The following SLIT2 variants were observed in gnomAD, a reference collection of about 807,000 sequenced individuals.
SLIT2 encodes slit homolog 2 protein.
A neutral mutation model predicts 185.7 loss-of-function variants in SLIT2; 41 were observed. The ratio of observed to expected loss-of-function variants is 0.22; its 90% CI spans 0.17 to 0.29. The LOEUF (loss-of-function observed/expected upper bound fraction) is 0.29, where lower values mean the gene tolerates loss of function less well. SLIT2 is among the 10% of genes least tolerant of loss of function. SLIT2 has a pLI of 1.00. For synonymous variants in SLIT2, 693 were observed against 680.2 expected (o/e 1.02, Z -0.29); for missense variants, 1,571 against 1,909.0 (o/e 0.82, Z 3.30).
At chr4:20,482,867 C>T (rs1716843670) in intron 6 of SLIT2, among the ~76,000 whole-genome samples, 1 of 151,248 alleles carries the variant, frequency 6.6e-6, no homozygotes, top group South Asian at 2.1e-4. Context: ...TAAACAACCC[C>T]TAGAAAAATC....
chr4:20,380,706 A>G (rs946364883), intron 4 of SLIT2, among the ~76,000 whole-genome samples: 2 of 152,116 alleles, frequency 1.3e-5, no homozygotes, highest in African/African-American at 4.8e-5. Context: ...ACATTACACT[A>G]GAAAATAAAA....
At chr4:20,332,559 A>G (rs1276684306) in intron 4 of SLIT2, among the ~76,000 whole-genome samples, 1 of 152,044 alleles carries the variant, frequency 6.6e-6, no homozygotes, top group Non-Finnish European at 1.5e-5. Flanking sequence ...GCAGGCACCT[A>G]TAATTCCACC....
chr4:20,320,912 C>G (rs568826780), intron 4 of SLIT2, among the ~76,000 whole-genome samples: 1 of 152,056 alleles, frequency 6.6e-6, no homozygotes, highest in Non-Finnish European at 1.5e-5. Flanking sequence ...GCCTGTAATC[C>G]CAGCACTTTG....
chr4:20,449,929 A>T (rs558884754), intron 4 of SLIT2, among the ~76,000 whole-genome samples: 126 of 151,010 alleles, frequency 8.3e-4, no homozygotes, highest in African/African-American at 3.0e-3. Flanking sequence ...TGTGTAATCC[A>T]CTGCAATGAT....
chr4:20,602,479 C>T (rs1419024720), intron 33 of SLIT2, among the ~76,000 whole-genome samples: 1 of 152,136 alleles, frequency 6.6e-6, no homozygotes, highest in Non-Finnish European at 1.5e-5. Context: ...TGTAGACATG[C>T]CTGCTGTTAA....
chr4:20,618,347 A>T (rs1163291536), intron 36 of SLIT2, among the ~76,000 whole-genome samples: 2 of 152,216 alleles, frequency 1.3e-5, no homozygotes, highest in African/African-American at 4.8e-5. Flanking sequence ...AGTTAATGGA[A>T]TGTTACTTGT....
At chr4:20,509,015 C>CGTGTGTGTGTGCAT (rs1214340511) in intron 9 of SLIT2, among the ~76,000 whole-genome samples, 1 of 150,744 alleles carries the variant, frequency 6.6e-6, no homozygotes, top group Non-Finnish European at 1.5e-5. Context: ...AAATGTTACG[C>CGTGTGTGTGTGCAT]GTGTGTGTGT....
intron 33 of SLIT2, among the ~76,000 whole-genome samples, 158 bp downstream of exon 33, chr4:20,598,553 A>G (rs1271518014): frequency 6.6e-6 from 1 of 152,190 alleles, no homozygotes. Context: ...AACAGAGGGC[A>G]TACTCAAACT....
At chr4:20,520,709 A>T (rs968948828) in intron 12 of SLIT2, among the ~76,000 whole-genome samples, 1 of 152,180 alleles carries the variant, frequency 6.6e-6, no homozygotes, top group Middle Eastern at 3.2e-3. Context: ...ACACACACCC[A>T]AACAAATGAA....
At chr4:20,491,640 T>C in intron 8 of SLIT2, 121 bp from the exon 9 acceptor site, 1 of 779,476 alleles carries the variant, frequency 1.3e-6, no homozygotes, top group Non-Finnish European at 2.0e-6. Context: ...GACCATTTTA[T>C]CATCATGTAT....
At chr4:20,293,522 G>C (rs943084503) in intron 4 of SLIT2, among the ~76,000 whole-genome samples, 2 of 152,176 alleles carry the variant, frequency 1.3e-5, no homozygotes, top group Non-Finnish European at 2.9e-5. Flanking sequence ...TTTGTTTGAG[G>C]TACTAGTGAT....
At position 20,417,436 on chromosome 4, in the gene SLIT2, G is replaced by GTGTATATATATATATATA. The variant is rs1553898364; in HGVS notation, c.396-50315_396-50314insGTATATATATATATATAT. Among the ~76,000 whole-genome samples the GTGTATATATATATATATA allele has an allele frequency of 2.3e-3, 285 of 123,656 alleles. 5 individuals are homozygous for GTGTATATATATATATATA. Among genetic ancestry groups the GTGTATATATATATATATA allele is most frequent in the Non-Finnish European group, 3.3e-3 (185 of 56,740 alleles). 81.1% of individuals were successfully genotyped at this position (123,656 alleles called of 152,430 possible). A position where few individuals can be genotyped will look rare whatever the true frequency, so the allele number is the denominator to read the frequency against. On this transcript the variant is annotated intron_variant, in intron 4 of 36. Transcript: ENST00000504154. ...CGCAATCATATATATATGTGTGTGT[G>GTGTATATATATATATATA]TATATATATATATATATATATACGT...
At chr4:20,561,480 T>C (rs1724687168) in intron 26 of SLIT2, among the ~76,000 whole-genome samples, 1 of 151,748 alleles carries the variant, frequency 6.6e-6, no homozygotes, top group Non-Finnish European at 1.5e-5. Flanking sequence ...ATTATTGATA[T>C]TGTCGTTAGT....
chr4:20,352,512 G>A (rs981681707), intron 4 of SLIT2, among the ~76,000 whole-genome samples: 5 of 152,164 alleles, frequency 3.3e-5, no homozygotes, highest in African/African-American at 1.2e-4. Context: ...TTAGATAAAC[G>A]CTACTTAAAA....
chr4:20,412,919 C>G (rs188252367), intron 4 of SLIT2, among the ~76,000 whole-genome samples: 54 of 152,164 alleles, frequency 3.5e-4, no homozygotes, highest in African/African-American at 1.2e-3. Context: ...TCACTTTCTT[C>G]TTCTTTTTCA....
intron 4 of SLIT2, among the ~76,000 whole-genome samples, chr4:20,438,309 G>C (rs542520950): frequency 1.2e-4 from 18 of 152,284 alleles, no homozygotes; most frequent in Admixed American, 7.2e-4. Context: ...AGGTTTATTG[G>C]ACTTACAGTT....
chr4:20,395,672 T>C (rs1485969879), intron 4 of SLIT2, among the ~76,000 whole-genome samples: 1 of 151,984 alleles, frequency 6.6e-6, no homozygotes, highest in East Asian at 1.9e-4. Context: ...CCTTTATAAA[T>C]AGCTACATGC....
intron 4 of SLIT2, among the ~76,000 whole-genome samples, chr4:20,459,638 G>A (rs1713475739): frequency 6.6e-6 from 1 of 152,090 alleles, no homozygotes; most frequent in South Asian, 2.1e-4. Context: ...TCATTGAGCT[G>A]TAGTCTCTTA....
Position 20,271,490 on chromosome 4 carries a change from A to T in SLIT2, c.395+2609A>T, listed in dbSNP as rs898848192. Among the ~76,000 whole-genome samples, 5 of 145,616 alleles carry T rather than the reference A, an allele frequency of 3.4e-5. No individual in the cohort carries two copies. The East Asian group carries it at 7.9e-4, about 23-fold the overall frequency. ...ATTTATATATAATTTATATTTATAT[A>T]TTATATATATATATATAGCAAGCCA... On this transcript the variant is annotated intron_variant, in intron 4 of 36. Transcript: ENST00000504154.
Sources: allele counts gnomAD v4.1 joint callset (sites outside exome capture counted in the v4.1 genomes callset), GRCh38; gene constraint gnomAD v4.1.1; transcripts MANE v1.5; gene names NCBI Gene and HGNC (gene_info 2026-07-23, HGNC 2026-07-21).